The following GRAMD2B variants were observed in gnomAD, a reference collection of about 807,000 sequenced individuals.
GRAMD2B encodes the protein GRAM domain containing 2B, also known as GRAM domain-containing protein 2B.
A neutral mutation model predicts 59.2 loss-of-function variants in GRAMD2B; 41 were observed. The observed-to-expected ratio is 0.69, with a 90% confidence interval of 0.54 to 0.90. The LOEUF is 0.90. Among genes scored for constraint, GRAMD2B ranks in the 40% least tolerant of loss-of-function variants. GRAMD2B has a pLI of 0.00. For synonymous variants in GRAMD2B, 161 were observed against 182.7 expected (o/e 0.88, Z 0.96); for missense variants, 424 against 500.5 (o/e 0.85, Z 1.46).
chr5:126,389,068 G>A (rs1756460556), intron 1 of GRAMD2B, among the ~76,000 whole-genome samples: 1 of 152,142 alleles, frequency 6.6e-6, no homozygotes, highest in Non-Finnish European at 1.5e-5. Context: ...TATTTGCATG[G>A]AGAAGTAGCA....
At chr5:126,418,299 G>C (rs1759428999) in intron 1 of GRAMD2B, among the ~76,000 whole-genome samples, 1 of 152,166 alleles carries the variant, frequency 6.6e-6, no homozygotes, top group Non-Finnish European at 1.5e-5. Flanking sequence ...CTCTGAGATA[G>C]ATATTAATGT....
chr5:126,407,346 C>T (rs1758348861), intron 1 of GRAMD2B, among the ~76,000 whole-genome samples: 1 of 151,988 alleles, frequency 6.6e-6, no homozygotes, highest in African/African-American at 2.4e-5. Flanking sequence ...AACAGCAGGA[C>T]TAAATCAAGA....
chr5:126,421,425 A>G (rs1759717411), upstream of GRAMD2B, among the ~76,000 whole-genome samples: 1 of 152,110 alleles, frequency 6.6e-6, no homozygotes, highest in Non-Finnish European at 1.5e-5. Context: ...GTGGGGATCT[A>G]GAGGTGAAGG....
chr5:126,475,925 A>G (rs559266517), intron 5 of GRAMD2B, among the ~76,000 whole-genome samples: 3 of 152,316 alleles, frequency 2.0e-5, no homozygotes, highest in South Asian at 2.1e-4. Flanking sequence ...CCCGAACAAC[A>G]TAGAGAAACC....
At chr5:126,437,916 T>C (rs1392863925) in intron 1 of GRAMD2B, among the ~76,000 whole-genome samples, 1 of 152,158 alleles carries the variant, frequency 6.6e-6, no homozygotes, top group Admixed American at 6.5e-5. Flanking sequence ...GTGTAGACTT[T>C]ACTGCCATTT....
At chr5:126,452,415 C>G (rs568406997) in intron 1 of GRAMD2B, among the ~76,000 whole-genome samples, 2 of 152,324 alleles carry the variant, frequency 1.3e-5, no homozygotes, top group Middle Eastern at 3.4e-3. Context: ...TGGACACAAA[C>G]ATTCAGACCA....
At chr5:126,475,347 A>T (rs146287878) in intron 5 of GRAMD2B, among the ~76,000 whole-genome samples, 2 of 152,314 alleles carry the variant, frequency 1.3e-5, no homozygotes, top group Admixed American at 1.3e-4. Context: ...CATGCCTTAG[A>T]TTATGAAAAA....
chr5:126,395,377 C>G (rs1198921314), intron 1 of GRAMD2B, among the ~76,000 whole-genome samples: 2 of 152,200 alleles, frequency 1.3e-5, no homozygotes, highest in South Asian at 2.1e-4. Context: ...AGCCTGAAGT[C>G]CCCGGCTGGT....
intron 1 of GRAMD2B, among the ~76,000 whole-genome samples, chr5:126,462,718 C>G (rs1017195733): frequency 6.6e-6 from 1 of 151,952 alleles, no homozygotes; most frequent in Non-Finnish European, 1.5e-5. Flanking sequence ...GAAAAGGTAC[C>G]AGTACAAGGT....
chr5:126,394,678 A>G (rs1294858307), intron 1 of GRAMD2B, among the ~76,000 whole-genome samples: 1 of 152,228 alleles, frequency 6.6e-6, no homozygotes, highest in African/African-American at 2.4e-5. Flanking sequence ...CACGTGAGTG[A>G]AATAGTCAGG....
intron 1 of GRAMD2B, among the ~76,000 whole-genome samples, chr5:126,450,260 C>G (rs1355734078): frequency 2.6e-5 from 4 of 152,074 alleles, no homozygotes; most frequent in Admixed American, 2.6e-4. Context: ...GTGAACATTT[C>G]TCTCTTCTAA....
At chr5:126,446,304 A>C (rs1764220472) in intron 1 of GRAMD2B, among the ~76,000 whole-genome samples, 1 of 152,200 alleles carries the variant, frequency 6.6e-6, no homozygotes. Flanking sequence ...GGTGGGCTAC[A>C]GGTATATAGA....
At chr5:126,422,571 T>A (rs1259146380), upstream of GRAMD2B, among the ~76,000 whole-genome samples, 1 of 152,194 alleles carries the variant, frequency 6.6e-6, no homozygotes, top group Non-Finnish European at 1.5e-5. Flanking sequence ...CCCAAGACAG[T>A]TCGTCTTCTT....
At chr5:126,370,447 G>A (rs963096856), upstream of GRAMD2B, among the ~76,000 whole-genome samples, 8 of 152,206 alleles carry the variant, frequency 5.3e-5, no homozygotes, top group African/African-American at 1.9e-4. Context: ...GGGGAACAAG[G>A]AGAGAGAGCA....
At chr5:126,483,235 C>T (rs1285642422) in intron 8 of GRAMD2B, among the ~76,000 whole-genome samples, 6 of 152,162 alleles carry the variant, frequency 3.9e-5, no homozygotes, top group Non-Finnish European at 8.8e-5. Context: ...TTTGTTGTTT[C>T]GAACGAGTTG....
chr5:126,452,089 T>G (rs1765478708), intron 1 of GRAMD2B, among the ~76,000 whole-genome samples: 1 of 152,128 alleles, frequency 6.6e-6, no homozygotes, highest in Non-Finnish European at 1.5e-5. Flanking sequence ...TACCCAGTCT[T>G]GGGTATATCT....
chr5:126,411,291 G>T (rs746579500), intron 1 of GRAMD2B, among the ~76,000 whole-genome samples: 62 of 152,168 alleles, frequency 4.1e-4, no homozygotes, highest in Admixed American at 4.6e-4. Flanking sequence ...ATGGTGAAAG[G>T]CAGGGGTCCA....
intron 2 of GRAMD2B, among the ~76,000 whole-genome samples, chr5:126,469,304 A>C (rs1399871383): frequency 1.3e-5 from 2 of 152,196 alleles, no homozygotes; most frequent in African/African-American, 2.4e-5. Context: ...TTTTCTTAGA[A>C]GATAGTATAA....
At chr5:126,364,839 T>C (rs917307377) in intron 1 of GRAMD2B, among the ~76,000 whole-genome samples, 3 of 152,356 alleles carry the variant, frequency 2.0e-5, no homozygotes, top group Admixed American at 1.3e-4. Context: ...CAAATCTTTC[T>C]GAGATGTTTC....
Sources: gnomAD v4.1 joint callset for allele counts (sites outside exome capture counted in the v4.1 genomes callset) on GRCh38, gnomAD v4.1.1 for gene constraint, MANE v1.5 for transcripts, NCBI Gene and HGNC (gene_info 2026-07-23, HGNC 2026-07-21) for gene names.